NOP58: variants seen among roughly 807,000 people sequenced by gnomAD.
NOP58 encodes the protein NOP58 ribonucleoprotein.
NOP58 carries 44 observed loss-of-function variants against 71.2 expected under a neutral mutation model. The observed-to-expected ratio is 0.62, with a 90% CI of 0.49 to 0.79. NOP58 has a LOEUF of 0.79. Ranked by LOEUF, NOP58 falls within the 30% of genes least tolerant of loss-of-function variation. The pLI is 0.00. For missense variants in NOP58, 538 were observed against 620.2 expected (o/e 0.87, Z 1.41); for synonymous variants, 228 against 200.3 (o/e 1.14, Z -1.17).
chr2:202,266,015 G>A, intron 1 of NOP58, 29 bp downstream of exon 1: 2 of 1,613,002 alleles, frequency 1.2e-6, no homozygotes, highest in Non-Finnish European at 1.7e-6. Flanking sequence ...CGTTAAAGGG[G>A]GAAGGCGGAT....
intron 10 of NOP58, among the ~76,000 whole-genome samples, chr2:202,296,387 A>G (rs1442752924): frequency 6.6e-6 from 1 of 151,984 alleles, no homozygotes; most frequent in Non-Finnish European, 1.5e-5. Context: ...TATTTTAAGT[A>G]AAGACCAGTT....
Position 202,297,381 on chromosome 2 carries a change from T to G in NOP58, c.1074T>G (p.Ile358Met), listed in dbSNP as rs1216145927. ...GQTSPKHKGK[I>M]SRMLAAKTVL... is the part of the protein sequence containing the mutation. ...AGTTCTTCATGTTTTTCTATTAGAT[T>G]TCTCGAATGCTGGCAGCCAAAACCG... is the stretch of plus-strand genomic sequence containing the variant. Residue 358 changes from isoleucine to methionine, a missense_variant and splice_region_variant, in exon 11 of 15, where the codon ATT (isoleucine) becomes ATG (methionine). By Grantham distance (10) the Ile-to-Met change is conservative. Coordinates refer to ENST00000264279, the MANE Select transcript of NOP58 (RefSeq NM_015934.5). The G allele has an allele frequency of 2.5e-6, 4 of 1,611,424 alleles. No individual in the cohort carries two copies. In the African/African-American group the frequency reaches 4.0e-5, roughly 16 times the overall value.
chr2:202,271,715 AGAG>A (rs1237200871), intron 1 of NOP58, among the ~76,000 whole-genome samples: 1 of 152,164 alleles, frequency 6.6e-6, no homozygotes, highest in Non-Finnish European at 1.5e-5. Flanking sequence ...GGCCAAGGCA[AGAG>A]GATCACTTGA....
chr2:202,290,562 G>T, intron 7 of NOP58, 105 bp downstream of exon 7: 1 of 1,000,668 alleles, frequency 1.0e-6, no homozygotes, highest in South Asian at 1.6e-5. Context: ...CAGGGTTTTT[G>T]CAATTTCTGT....
At chr2:202,266,576 A>G (rs922931879) in intron 1 of NOP58, among the ~76,000 whole-genome samples, 2 of 152,096 alleles carry the variant, frequency 1.3e-5, no homozygotes, top group African/African-American at 4.8e-5. Context: ...TCGGCCTCCC[A>G]AAGTGCTGGG....
intron 4 of NOP58, among the ~76,000 whole-genome samples, chr2:202,284,110 C>T (rs1448317997): frequency 3.3e-5 from 5 of 151,788 alleles, no homozygotes; most frequent in East Asian, 1.9e-4. Context: ...GGTGAAACCC[C>T]GTCTCTACTA....
chr2:202,265,878 C>A lies in NOP58; in HGVS notation c.-64C>A. The A allele has an allele frequency of 6.3e-7, 1 of 1,599,746 alleles. No individual in the cohort carries two copies. Among genetic ancestry groups the A allele is most frequent in the Non-Finnish European group, 8.6e-7 (1 of 1,168,366 alleles). On this transcript the variant is annotated 5_prime_UTR_variant, in exon 1 of 15. Coordinates refer to ENST00000264279, the MANE Select transcript of NOP58 (RefSeq NM_015934.5). ...AGGAGGCCTTTTGAGGCCGCGTAGT[C>A]GGTGTTTTTGAACTGACTCTACAGC...
chr2:202,275,393 T>G (rs1688575050), intron 2 of NOP58: 2 of 478,096 alleles, frequency 4.2e-6, no homozygotes, highest in Non-Finnish European at 3.8e-6. Context: ...GGCAGTAGTC[T>G]CCCCCTTACC....
At chr2:202,293,209 C>T in intron 9 of NOP58, 2 of 516,722 alleles carry the variant, frequency 3.9e-6, no homozygotes, top group South Asian at 3.1e-5. Context: ...AAACAGTTAA[C>T]ATTTTCATAA....
chr2:202,301,673 C>T (rs1029253989), intron 13 of NOP58, among the ~76,000 whole-genome samples: 1 of 152,158 alleles, frequency 6.6e-6, no homozygotes, highest in Non-Finnish European at 1.5e-5. Flanking sequence ...CTTGCTATTT[C>T]CTGAACCTAC....
chr2:202,278,256 T>G (rs574112997), intron 3 of NOP58: 1 of 583,670 alleles, frequency 1.7e-6, no homozygotes, highest in Non-Finnish European at 3.3e-6. Context: ...AGTGGTTAAG[T>G]TGATCTCCCT....
chr2:202,281,466 CAG>C (rs1048879847), intron 3 of NOP58, among the ~76,000 whole-genome samples: 1 of 152,064 alleles, frequency 6.6e-6, no homozygotes, highest in African/African-American at 2.4e-5. Flanking sequence ...TTTGTTGAGA[CAG>C]GGTCTGTCAC....
chr2:202,291,666 G>A (rs941445555), intron 8 of NOP58, among the ~76,000 whole-genome samples: 2 of 151,772 alleles, frequency 1.3e-5, no homozygotes, highest in South Asian at 2.1e-4. Context: ...AATTAGCTGC[G>A]CGTGGTGGCG....
intron 9 of NOP58, among the ~76,000 whole-genome samples, chr2:202,294,280 T>C (rs796291652): frequency 6.0e-5 from 9 of 150,010 alleles, no homozygotes; most frequent in African/African-American, 2.2e-4. Flanking sequence ...GATTGTGACA[T>C]TGCACACAGC....
chr2:202,266,729 T>A (rs1688423900), intron 1 of NOP58, among the ~76,000 whole-genome samples: 1 of 152,230 alleles, frequency 6.6e-6, no homozygotes, highest in South Asian at 2.1e-4. Context: ...TACTTTTGCA[T>A]TCATTTGGAC....
At chr2:202,273,087 T>A (rs1212961556) in intron 1 of NOP58, among the ~76,000 whole-genome samples, 1 of 152,198 alleles carries the variant, frequency 6.6e-6, no homozygotes, top group Admixed American at 6.5e-5. Context: ...ATCCTGCCAT[T>A]GCACTCCAGC....
At chr2:202,287,907 TC>T (rs1173472826) in intron 6 of NOP58, among the ~76,000 whole-genome samples, 183 bp downstream of exon 6, 1 of 151,852 alleles carries the variant, frequency 6.6e-6, no homozygotes, top group Admixed American at 6.6e-5. Context: ...GGTCAGGAGT[TC>T]AAGACCAGCT....
At chr2:202,279,928 T>C (rs1474170865) in intron 3 of NOP58, among the ~76,000 whole-genome samples, 3 of 152,222 alleles carry the variant, frequency 2.0e-5, no homozygotes, top group African/African-American at 7.2e-5. Flanking sequence ...TCCTAGACGC[T>C]AGCAAAGTAT....
chr2:202,285,923 G>A (rs759936810), intron 5 of NOP58, among the ~76,000 whole-genome samples: 1 of 152,070 alleles, frequency 6.6e-6, no homozygotes, highest in Non-Finnish European at 1.5e-5. Context: ...GGCTGGGCAC[G>A]GTGGCTCACG....
Sources: gnomAD v4.1 joint callset for allele counts (sites outside exome capture counted in the v4.1 genomes callset) on GRCh38, gnomAD v4.1.1 for gene constraint, MANE v1.5 for transcripts, NCBI Gene and HGNC (gene_info 2026-07-23, HGNC 2026-07-21) for gene names.